CRPPA: variants seen among roughly 807,000 people sequenced by gnomAD.
CRPPA encodes the protein D-ribitol-5-phosphate cytidylyltransferase.
In CRPPA, 43 loss-of-function variants were observed where a neutral mutation model predicts 52.0. That is an observed-to-expected ratio of 0.83 (90% CI 0.65 to 1.07). CRPPA has a LOEUF of 1.07. CRPPA is among the 50% of genes least tolerant of loss of function. The probability of loss-of-function intolerance (pLI) is 0.00; values close to 1 mark genes in which losing one functional copy is unlikely to be tolerated. For missense variants in CRPPA, 629 were observed against 551.7 expected (o/e 1.14, Z -1.40); for synonymous variants, 250 against 203.5 (o/e 1.23, Z -1.94).
intron 9 of CRPPA, chr7:16,208,804 G>T: frequency 6.1e-6 from 1 of 163,534 alleles, no homozygotes. Context: ...AAACCTTGTT[G>T]GAAGTTCATA....
intron 9 of CRPPA, among the ~76,000 whole-genome samples, chr7:16,203,893 G>A (rs997054846): frequency 1.3e-5 from 2 of 151,936 alleles, no homozygotes; most frequent in African/African-American, 2.4e-5. Flanking sequence ...ATTTTATTCA[G>A]GAAGCAAAAT....
chr7:16,325,760 T>A (rs1045463842), intron 3 of CRPPA, among the ~76,000 whole-genome samples: 2 of 152,096 alleles, frequency 1.3e-5, no homozygotes, highest in Non-Finnish European at 2.9e-5. Flanking sequence ...AATCTTGTGA[T>A]ATGCATAATG....
intron 9 of CRPPA, among the ~76,000 whole-genome samples, chr7:16,156,829 T>C (rs1183971114): frequency 6.6e-6 from 1 of 152,086 alleles, no homozygotes; most frequent in Non-Finnish European, 1.5e-5. Context: ...GTATTTGCAT[T>C]AGTAGAGACA....
intron 3 of CRPPA, among the ~76,000 whole-genome samples, chr7:16,370,884 G>A (rs199685148): frequency 1.3e-5 from 2 of 152,170 alleles, no homozygotes; most frequent in East Asian, 3.9e-4. Context: ...ACAATTCAGG[G>A]TGATTGCACT....
chr7:16,093,040 C>T (rs73289971), intron 9 of CRPPA, among the ~76,000 whole-genome samples: 2,273 of 152,240 alleles, frequency 0.015, 56 homozygotes, highest in African/African-American at 0.052. Context: ...TGACTCTATC[C>T]TCCAGTCCAG....
intron 3 of CRPPA, among the ~76,000 whole-genome samples, chr7:16,320,483 A>G (rs1276021737): frequency 1.3e-5 from 2 of 152,202 alleles, no homozygotes; most frequent in Non-Finnish European, 2.9e-5. Flanking sequence ...TGGTAACCAC[A>G]TAATGGTCCA....
intron 8 of CRPPA, among the ~76,000 whole-genome samples, chr7:16,257,585 G>T (rs895130700): frequency 6.6e-6 from 1 of 152,002 alleles, no homozygotes; most frequent in African/African-American, 2.4e-5. Flanking sequence ...TATTTATATT[G>T]CAAATTATCT....
intron 3 of CRPPA, among the ~76,000 whole-genome samples, chr7:16,358,864 C>A (rs925990242): frequency 6.6e-6 from 1 of 152,092 alleles, no homozygotes; most frequent in South Asian, 2.1e-4. Context: ...TCTTTAGCTC[C>A]CAAACTGAAA....
chr7:16,179,982 A>C, intron 9 of CRPPA, among the ~76,000 whole-genome samples: 1 of 152,160 alleles, frequency 6.6e-6, no homozygotes, highest in East Asian at 1.9e-4. Context: ...ATCAGCAATA[A>C]CATCATAAGG....
intron 9 of CRPPA, among the ~76,000 whole-genome samples, chr7:16,179,670 C>G (rs887924100): frequency 1.3e-5 from 2 of 152,070 alleles, no homozygotes; most frequent in African/African-American, 4.8e-5. Flanking sequence ...GATTTTAGAA[C>G]TTGTGACCTC....
At chr7:16,206,776 ATC>A (rs1376116956) in intron 9 of CRPPA, among the ~76,000 whole-genome samples, 3 of 152,124 alleles carry the variant, frequency 2.0e-5, no homozygotes, top group Non-Finnish European at 4.4e-5. Context: ...TGTGTGAAAC[ATC>A]TGTGTTTTTC....
chr7:16,241,588 T>C lies in CRPPA; in HGVS notation c.1119+16802A>G, dbSNP rs141792400. On this transcript the variant is annotated intron_variant, in intron 8 of 9. Transcript: ENST00000407010. ...GCCAATTTCTTCCCACTTTTAACAA[T>C]TAAACACTTATTTGGTACATATTAT... is the stretch of plus-strand genomic sequence containing the variant. Among the ~76,000 whole-genome samples, 570 of 152,304 alleles carry C rather than the reference T, an allele frequency of 3.7e-3. 5 individuals are homozygous for C. Among genetic ancestry groups the C allele is most frequent in the African/African-American group, 0.013 (529 of 41,574 alleles).
chr7:16,188,614 A>C (rs1247822117), intron 9 of CRPPA, among the ~76,000 whole-genome samples: 6 of 152,184 alleles, frequency 3.9e-5, no homozygotes. Flanking sequence ...CCTATAAAAT[A>C]ATAATTCCCC....
intron 8 of CRPPA, among the ~76,000 whole-genome samples, chr7:16,246,465 C>G (rs1280859014): frequency 6.6e-6 from 1 of 152,172 alleles, no homozygotes; most frequent in Non-Finnish European, 1.5e-5. Context: ...CGGCAACTAA[C>G]AGGGTGAATC....
intron 2 of CRPPA, among the ~76,000 whole-genome samples, chr7:16,395,418 A>G (rs779594787): frequency 6.6e-6 from 1 of 152,172 alleles, no homozygotes; most frequent in African/African-American, 2.4e-5. Context: ...CCAACCATAT[A>G]ATTATGATTT....
chr7:16,315,049 G>C (rs927192691), intron 3 of CRPPA, among the ~76,000 whole-genome samples: 1 of 152,030 alleles, frequency 6.6e-6, no homozygotes, highest in Admixed American at 6.6e-5. Context: ...TGGATATTCT[G>C]TTATTTCCTC....
At chr7:16,162,433 T>C (rs578240942) in intron 9 of CRPPA, among the ~76,000 whole-genome samples, 4 of 152,244 alleles carry the variant, frequency 2.6e-5, no homozygotes, top group African/African-American at 9.6e-5. Flanking sequence ...TTTTGTTATC[T>C]ACACAGGAGT....
intron 9 of CRPPA, among the ~76,000 whole-genome samples, chr7:16,099,535 G>C (rs908351180): frequency 1.3e-5 from 2 of 151,298 alleles, no homozygotes; most frequent in Non-Finnish European, 2.9e-5. Flanking sequence ...AGAAGGGAAG[G>C]GAAAGGTTGG....
intron 3 of CRPPA, among the ~76,000 whole-genome samples, chr7:16,359,598 T>C (rs892278298): frequency 1.3e-5 from 2 of 152,344 alleles, no homozygotes; most frequent in Non-Finnish European, 2.9e-5. Flanking sequence ...TAATTTAAGA[T>C]GCAGATTCTT....
Sources: allele counts gnomAD v4.1 joint callset (sites outside exome capture counted in the v4.1 genomes callset), GRCh38; gene constraint gnomAD v4.1.1; transcripts MANE v1.5; gene names NCBI Gene and HGNC (gene_info 2026-07-23, HGNC 2026-07-21).